Variants in DTX1 observed in about 807,000 individuals in gnomAD.
DTX1 encodes the protein E3 ubiquitin-protein ligase DTX1.
DTX1 carries 26 observed loss-of-function variants against 57.8 expected under a neutral mutation model. That is an observed-to-expected ratio of 0.45 (90% confidence interval 0.33 to 0.62). The LOEUF (loss-of-function observed/expected upper bound fraction) is 0.62. DTX1 is among the 20% of genes least tolerant of loss of function. The pLI, the probability that DTX1 is intolerant of heterozygous loss-of-function variation, is 0.02. For missense variants in DTX1, 704 were observed against 895.3 expected (o/e 0.79, Z 2.73); for synonymous variants, 398 against 394.1 (o/e 1.01, Z -0.12).
chr12:113,062,703 C>A (rs996965957), intron 2 of DTX1, among the ~76,000 whole-genome samples: 1 of 152,258 alleles, frequency 6.6e-6, no homozygotes, highest in Non-Finnish European at 1.5e-5. Context: ...ACAATGCCGA[C>A]ACACACATGC....
At chr12:113,073,568 C>CAT (rs2044750785) in intron 2 of DTX1, among the ~76,000 whole-genome samples, 1 of 152,194 alleles carries the variant, frequency 6.6e-6, no homozygotes, top group African/African-American at 2.4e-5. Flanking sequence ...TATCAATAGC[C>CAT]ATAGCTCCGT....
At position 113,057,968 on chromosome 12, in the gene DTX1, T is replaced by A. The variant is rs917253412; in HGVS notation, c.-225T>A. 1.5e-6 allele frequency: 1 copy of A among 660,026 alleles called. No individual in the cohort carries two copies. The allele number at this position is 660,026 out of a possible 1,614,324, so 40.9% of individuals were successfully genotyped here. A position where few individuals can be genotyped will look rare whatever the true frequency, so the allele number is the denominator to read the frequency against. On this transcript the variant is annotated 5_prime_UTR_variant, in exon 2 of 10. Transcript: ENST00000548759. Reference sequence around the variant, plus strand: ...CACTTGCTTTCCAGGGCAGCACCCTTTATCGGAGAAGGCTCTACAGGGAAG... The same window carrying A: ...CACTTGCTTTCCAGGGCAGCACCCTATATCGGAGAAGGCTCTACAGGGAAG...
intron 3 of DTX1, 124 bp downstream of exon 3, chr12:113,078,229 C>A (rs2044790483): frequency 1.3e-6 from 1 of 783,052 alleles, no homozygotes; most frequent in Non-Finnish European, 1.6e-6. Flanking sequence ...TAAGTAATAT[C>A]CAGCATGCAC....
intron 2 of DTX1, among the ~76,000 whole-genome samples, chr12:113,073,695 A>G (rs538351202): frequency 6.6e-6 from 1 of 152,338 alleles, no homozygotes; most frequent in East Asian, 1.9e-4. Context: ...AGCCCTGAGT[A>G]GGGACACACC....
intron 1 of DTX1, among the ~76,000 whole-genome samples, 194 bp from the exon 2 acceptor site, chr12:113,057,255 G>A (rs543226574): frequency 6.6e-6 from 1 of 152,128 alleles, no homozygotes; most frequent in South Asian, 2.1e-4. Flanking sequence ...GAGAGTCTCG[G>A]AAAACCGCGC....
At chr12:113,084,310 G>A (rs761753550) in intron 3 of DTX1, among the ~76,000 whole-genome samples, 8 of 152,232 alleles carry the variant, frequency 5.3e-5, no homozygotes, top group Non-Finnish European at 7.3e-5. Flanking sequence ...CCCACGTGGT[G>A]GGTGGGAGGA....
Position 113,093,458 on chromosome 12 carries a change from C to T in DTX1, c.1004-81C>T. On this transcript the variant is annotated intron_variant, in intron 4 of 9. Coordinates refer to ENST00000548759, the MANE Select transcript of DTX1 (RefSeq NM_004416.3). This position sits in a 1 kb window ranked among gnomAD's most constrained non-coding sequence, Gnocchi z 4.2. Reference sequence around the variant, plus strand: ...CGCAACCCTCCCACCCACCCGAGGGCCCCGGGATTCCCAGGGCCAGTGGTC... The same window carrying T: ...CGCAACCCTCCCACCCACCCGAGGGTCCCGGGATTCCCAGGGCCAGTGGTC... 1 of 919,732 alleles carries T rather than the reference C, an allele frequency of 1.1e-6. No homozygotes were observed. The highest frequency in any genetic ancestry group is 1.6e-6 in the Non-Finnish European group (1 of 641,662). The allele number at this position is 919,732 out of a possible 1,614,324, so 57.0% of individuals were successfully genotyped here. A position where few individuals can be genotyped will look rare whatever the true frequency, so the allele number is the denominator to read the frequency against.
At position 113,097,237 on chromosome 12, in the gene DTX1, G is replaced by T. The variant is rs774654077; in HGVS notation, c.*298G>T. The T allele has an allele frequency of 5.3e-6, 2 of 374,446 alleles. No homozygotes were observed. The highest frequency in any genetic ancestry group is 9.8e-6 in the Non-Finnish European group (2 of 204,054). 23.2% of individuals were successfully genotyped at this position (374,446 alleles called of 1,614,324 possible). A position where few individuals can be genotyped will look rare whatever the true frequency, so the allele number is the denominator to read the frequency against. On this transcript the variant is annotated 3_prime_UTR_variant, in exon 10 of 10. Coordinates refer to ENST00000548759, the MANE Select transcript of DTX1 (RefSeq NM_004416.3). ...CACATGTCCTGTTGAACTCATGCAC[G>T]CACACCCACGTGCCTGTACTTGCCC...
intron 9 of DTX1, among the ~76,000 whole-genome samples, chr12:113,096,286 T>C (rs969271766): frequency 1.3e-5 from 2 of 150,210 alleles, no homozygotes; most frequent in African/African-American, 4.9e-5. Context: ...GGAGGATCAC[T>C]TGAGGCCAGG....
intron 2 of DTX1, among the ~76,000 whole-genome samples, chr12:113,072,691 A>ATTTT (rs2044744388): frequency 1.0e-5 from 1 of 95,592 alleles, no homozygotes; most frequent in African/African-American, 3.9e-5. Context: ...GACCTGAGAG[A>ATTTT]TTTTCTTTTT....
At position 113,093,712 on chromosome 12, in the gene DTX1, A is replaced by G. The variant is rs1229374184; in HGVS notation, c.1165+12A>G. On this transcript the variant is annotated intron_variant, in intron 5 of 9. Transcript: ENST00000548759. The surrounding 1 kb of genome is among the most constrained non-coding windows in gnomAD (Gnocchi z 4.2). The stretch of plus-strand genomic sequence containing the variant: ...GCACCTTAAAAAGAGTACGCCCTCC[A>G]CGCCCTGCCTCACACGAGATGAACC... 1 of 1,612,512 alleles carries G rather than the reference A, an allele frequency of 6.2e-7. No homozygotes were observed. The highest frequency in any genetic ancestry group is 1.1e-5 in the South Asian group (1 of 90,936).
At chr12:113,079,304 C>T (rs2136060203) in intron 3 of DTX1, among the ~76,000 whole-genome samples, 1 of 152,190 alleles carries the variant, frequency 6.6e-6, no homozygotes, top group African/African-American at 2.4e-5. Context: ...TATGGCATGG[C>T]CGGGGGAATT....
In DTX1 at chr12:113,095,082, G is replaced by A; in HGVS notation, c.1427G>A (p.Gly476Glu). ...LQCPTCKAIYGEKTGTQPPGK... is the reference protein window; with the variant it reads ...LQCPTCKAIYEEKTGTQPPGK... ...TGCCCCACCTGCAAGGCCATCTACG[G>A]GGAGAAGACGGGTACGCAGCCGCCT... The change falls in exon 8 of 10, where the codon GGG (glycine) becomes GAG (glutamate). Residue 476 changes from glycine (G) to glutamate (E), a missense_variant. By Grantham distance (98) the Gly-to-Glu change is moderately conservative. Coordinates refer to ENST00000548759, the MANE Select transcript of DTX1 (RefSeq NM_004416.3). 6.2e-7 allele frequency: 1 copy of A among 1,613,538 alleles called. No homozygotes were observed. The highest frequency in any genetic ancestry group is 8.5e-7 in the Non-Finnish European group (1 of 1,179,564).
At chr12:113,092,009 C>T (rs909167518) in intron 3 of DTX1, among the ~76,000 whole-genome samples, 1 of 152,226 alleles carries the variant, frequency 6.6e-6, no homozygotes, top group South Asian at 2.1e-4. Context: ...CACATCACCG[C>T]AAGCTCTCCT....
intron 2 of DTX1, among the ~76,000 whole-genome samples, chr12:113,068,040 A>G (rs1197462583): frequency 6.6e-6 from 1 of 152,188 alleles, no homozygotes; most frequent in Non-Finnish European, 1.5e-5. Context: ...TCCTGTCTCA[A>G]AAAATAAATA....
In DTX1 at chr12:113,094,108, G is replaced by A. The variant is rs776995654; in HGVS notation, c.1227+9G>A. On this transcript the variant is annotated intron_variant, in intron 6 of 9. Coordinates refer to ENST00000548759, the MANE Select transcript of DTX1 (RefSeq NM_004416.3). ...AAAACCCACCTGATGAGGTGAGGAG[G>A]GGATGGGGGGGCTGGGGGAGGGCCC... 7.2e-6 allele frequency: 11 copies of A among 1,536,598 alleles called. No homozygotes were observed. The Admixed American group carries it at 1.2e-4, about 16-fold the overall frequency.
At chr12:113,095,609 T>G in intron 9 of DTX1, 195 bp downstream of exon 9, 1 of 656,838 alleles carries the variant, frequency 1.5e-6, no homozygotes, top group Non-Finnish European at 2.5e-6. Context: ...GAGGTCAAGA[T>G]CCTGACCCCA....
Position 113,093,555 on chromosome 12 carries a change from G to A in DTX1, c.1020G>A (p.Leu340=). 6.2e-7 allele frequency: 1 copy of A among 1,608,794 alleles called. No individual in the cohort carries two copies. The highest frequency in any genetic ancestry group is 8.5e-7 in the Non-Finnish European group (1 of 1,177,902). ...HPALAGMTGI[L]LCAAGLPVCL... ...AACCCCCAGGGATGACCGGGATACT[G>A]CTGTGCGCGGCCGGGCTGCCCGTGT... is the stretch of plus-strand genomic sequence containing the variant. The change falls in exon 5 of 10, where the codon CTG becomes CTA. Residue 340 remains leucine (L), a synonymous_variant. Transcript: ENST00000548759. The surrounding 1 kb of genome is among the most constrained non-coding windows in gnomAD (Gnocchi z 4.2).
intron 2 of DTX1, among the ~76,000 whole-genome samples, chr12:113,072,706 T>TTTC (rs1555233074): frequency 2.1e-5 from 3 of 143,192 alleles, no homozygotes; most frequent in African/African-American, 7.9e-5. Context: ...CTTTTTTTTT[T>TTTC]TTTTTTTTTT....
Sources: gnomAD v4.1 joint callset for allele counts (sites outside exome capture counted in the v4.1 genomes callset) on GRCh38, gnomAD v4.1.1 for gene constraint, Gnocchi (gnomAD v3.1) non-coding constraint, MANE v1.5 for transcripts, NCBI Gene and HGNC (gene_info 2026-07-23, HGNC 2026-07-21) for gene names.